The following NBAS variants were observed in gnomAD, a reference collection of about 807,000 sequenced individuals.
NBAS encodes NAG/BC035112 fusion.
NBAS carries 219 observed loss-of-function variants against 302.5 expected under a neutral mutation model. The observed-to-expected ratio is 0.72, with a 90% CI of 0.65 to 0.81. The LOEUF (loss-of-function observed/expected upper bound fraction) is 0.81, where lower values mean the gene tolerates loss of function less well. NBAS is among the 30% of genes least tolerant of loss of function. NBAS has a pLI of 0.00. For synonymous variants in NBAS, 1,118 were observed against 1,021.6 expected, an observed-to-expected ratio of 1.09 and a Z score of -1.80; for missense variants, 2,932 against 2,841.6, an observed-to-expected ratio of 1.03 and a Z score of -0.72.
At chr2:15,310,883 A>C (rs554708116) in intron 38 of NBAS, among the ~76,000 whole-genome samples, 1 of 152,308 alleles carries the variant, frequency 6.6e-6, no homozygotes, top group Non-Finnish European at 1.5e-5. Flanking sequence ...CCCAGATAAA[A>C]CCAAAATCCC....
the NBAS span, among the ~76,000 whole-genome samples, chr2:15,034,015 GAAGAAGAAGAAGAGGAGGAGGA>G: frequency 2.0e-5 from 1 of 50,856 alleles, no homozygotes; most frequent in African/African-American, 1.2e-4. Flanking sequence ...AGAAGAAGAA[GAAGAAGAAGAAGAGGAGGAGGA>G]AGGAGGAGGA....
At position 15,417,705 on chromosome 2, in the gene NBAS, C is replaced by T. The variant is rs1677014436; in HGVS notation, c.2585G>A (p.Cys862Tyr). Residue 862 changes from cysteine to tyrosine, a missense_variant, in exon 24 of 52, where the codon TGT becomes TAT. Cys to Tyr is a radical substitution (Grantham distance 194, BLOSUM62 -2). Transcript: ENST00000281513. ...CCCAAGTCGAATAAGTGACAATGCACAGTCCACCTAAAATTGAAAAGCAAC... is the reference window on the plus strand; with the variant it reads ...CCCAAGTCGAATAAGTGACAATGCATAGTCCACCTAAAATTGAAAAGCAAC... ...EIEHYARQVD[C>Y]ALSLIRLGME... 6.2e-7 allele frequency: 1 copy of T among 1,613,750 alleles called. No individual in the cohort carries two copies. Among genetic ancestry groups the T allele is most frequent in the African/African-American group, 1.3e-5 (1 of 75,038 alleles).
the NBAS span, among the ~76,000 whole-genome samples, chr2:15,052,762 A>T: frequency 6.6e-6 from 1 of 152,226 alleles, no homozygotes; most frequent in African/African-American, 2.4e-5. Flanking sequence ...TGTAATAGCA[A>T]TCCAATGCAG....
chr2:15,461,089 A>T (rs1679485090), intron 21 of NBAS, 112 bp downstream of exon 21: 1 of 1,017,190 alleles, frequency 9.8e-7, no homozygotes, highest in Non-Finnish European at 1.4e-6. Flanking sequence ...TCAGGAAAAA[A>T]GTTTAAATAT....
At chr2:15,048,588 G>T in the NBAS span, among the ~76,000 whole-genome samples, 1 of 152,194 alleles carries the variant, frequency 6.6e-6, no homozygotes. Context: ...TCCACCCAAG[G>T]CCAGGCTGGC....
intron 47 of NBAS, among the ~76,000 whole-genome samples, chr2:15,219,943 C>G (rs775537262): frequency 2.7e-5 from 4 of 146,668 alleles, no homozygotes; most frequent in Non-Finnish European, 4.5e-5. Flanking sequence ...GGCGGCTGGC[C>G]GGGCAGAGGG....
chr2:14,926,587 C>T, the NBAS span, among the ~76,000 whole-genome samples: 4 of 152,062 alleles, frequency 2.6e-5, no homozygotes, highest in African/African-American at 7.2e-5. Flanking sequence ...ATAAATTATG[C>T]GTAACATAAA....
chr2:14,932,702 AC>A, the NBAS span, among the ~76,000 whole-genome samples: 1 of 152,244 alleles, frequency 6.6e-6, no homozygotes, highest in Non-Finnish European at 1.5e-5. Flanking sequence ...CTGCAGGAAC[AC>A]CTGGTACTTT....
intron 51 of NBAS, among the ~76,000 whole-genome samples, chr2:15,172,276 C>T (rs541809315): frequency 6.6e-6 from 1 of 152,202 alleles, no homozygotes; most frequent in African/African-American, 2.4e-5. Context: ...CATAAATTTC[C>T]TATCATTTTT....
At chr2:14,959,366 T>C in the NBAS span, among the ~76,000 whole-genome samples, 2 of 152,212 alleles carry the variant, frequency 1.3e-5, no homozygotes, top group Non-Finnish European at 1.5e-5. Flanking sequence ...CCAGTCTCCA[T>C]GGCATCTGCC....
chr2:15,356,327 G>A lies in NBAS; in HGVS notation c.3907C>T (p.His1303Tyr). The A allele has an allele frequency of 1.2e-6, 2 of 1,613,690 alleles. No individual in the cohort carries two copies. The highest frequency in any genetic ancestry group is 8.5e-7 in the Non-Finnish European group (1 of 1,179,692). ...CCTGTGGCCATCAGCTCCTGACAAT[G>A]CATACTGGCTGCTTTGTAGTCATGG... ...RFHDYKAASM[H>Y]CQELMATGYP... Residue 1303 changes from histidine (H) to tyrosine (Y), a missense_variant, in exon 33 of 52, where the codon CAT becomes TAT. By Grantham distance (83) the His-to-Tyr change is moderately conservative (BLOSUM62 2). Coordinates refer to ENST00000281513, the MANE Select transcript of NBAS (RefSeq NM_015909.4).
At chr2:15,515,882 A>C (rs975998551) in intron 9 of NBAS, among the ~76,000 whole-genome samples, 3 of 152,184 alleles carry the variant, frequency 2.0e-5, no homozygotes, top group Admixed American at 2.0e-4. Flanking sequence ...CACATTTCTC[A>C]TTAGGAAGCA....
At chr2:15,226,120 A>G (rs1336305323) in intron 47 of NBAS, among the ~76,000 whole-genome samples, 1 of 152,232 alleles carries the variant, frequency 6.6e-6, no homozygotes. Flanking sequence ...AGTGTCAAAA[A>G]GAGGTGATAT....
chr2:15,388,038 C>A (rs1192226308), intron 28 of NBAS, among the ~76,000 whole-genome samples: 3 of 152,062 alleles, frequency 2.0e-5, no homozygotes, highest in Non-Finnish European at 2.9e-5. Context: ...GTGCAACTCT[C>A]AAATGAATAT....
chr2:15,497,802 C>G (rs980275202), intron 11 of NBAS, among the ~76,000 whole-genome samples: 2 of 152,138 alleles, frequency 1.3e-5, no homozygotes, highest in African/African-American at 4.8e-5. Flanking sequence ...CCCAAAGCCA[C>G]AGAGCACACA....
chr2:15,484,253 A>G (rs1303193714), intron 12 of NBAS, among the ~76,000 whole-genome samples: 1 of 152,198 alleles, frequency 6.6e-6, no homozygotes, highest in African/African-American at 2.4e-5. Context: ...CTTACCATTA[A>G]TATCATATGC....
intron 26 of NBAS, chr2:15,397,335 T>A: frequency 4.3e-6 from 1 of 229,978 alleles, no homozygotes; most frequent in South Asian, 7.2e-5. Context: ...TCCAGCAAGA[T>A]CTTATGGTTT....
the NBAS span, among the ~76,000 whole-genome samples, chr2:14,976,009 A>G: frequency 6.6e-6 from 1 of 151,044 alleles, no homozygotes; most frequent in Non-Finnish European, 1.5e-5. Flanking sequence ...GGAAAAATAT[A>G]TGAAACAACT....
the NBAS span, among the ~76,000 whole-genome samples, chr2:14,828,351 GTGA>G: frequency 6.6e-6 from 1 of 152,134 alleles, no homozygotes; most frequent in Non-Finnish European, 1.5e-5. Flanking sequence ...TGACACCTGG[GTGA>G]TGAGAGGGAG....
Sources: gnomAD v4.1 joint callset for allele counts (sites outside exome capture counted in the v4.1 genomes callset) on GRCh38, gnomAD v4.1.1 for gene constraint, MANE v1.5 for transcripts, NCBI Gene and HGNC (gene_info 2026-07-23, HGNC 2026-07-21) for gene names.